Variants in MUTYH observed in about 807,000 individuals in gnomAD.
MUTYH encodes the protein adenine DNA glycosylase.
MUTYH carries 64 observed loss-of-function variants against 72.9 expected under a neutral mutation model. The ratio of observed to expected loss-of-function variants is 0.88; its 90% CI spans 0.72 to 1.08. The LOEUF (loss-of-function observed/expected upper bound fraction) is 1.08. Among genes scored for constraint, MUTYH ranks in the 50% least tolerant of loss-of-function variants. The probability of loss-of-function intolerance (pLI) is 0.00; values close to 1 mark genes in which losing one functional copy is unlikely to be tolerated. For missense variants in MUTYH, 633 were observed against 671.0 expected (o/e 0.94, Z 0.63); for synonymous variants, 234 against 263.1 (o/e 0.89, Z 1.07).
chr1:45,340,081 C>T, upstream of MUTYH: 2 of 1,545,730 alleles, frequency 1.3e-6, no homozygotes, highest in South Asian at 1.2e-5. Context: ...GCAATTAGCG[C>T]GCGCCAGGCT....
At chr1:45,331,090 A>C in intron 14 of MUTYH, 92 bp downstream of exon 14, 1 of 1,565,208 alleles carries the variant, frequency 6.4e-7, no homozygotes, top group Non-Finnish European at 8.8e-7. Flanking sequence ...GTCTCAAAAA[A>C]AAATGCTTTT....
upstream of MUTYH, chr1:45,340,388 C>T (rs1314872579): frequency 9.7e-6 from 15 of 1,549,336 alleles, no homozygotes; most frequent in South Asian, 1.7e-4. Flanking sequence ...CTAGAGGCTC[C>T]TCAAGCTTCA....
At position 45,331,734 on chromosome 1, in the gene MUTYH, G is replaced by C; in HGVS notation, c.1029C>G (p.Ser343Arg). Residue 343 changes from serine (S) to arginine (R), a missense_variant, in exon 12 of 16, where the codon AGC becomes AGG. Physicochemically the swap from Ser to Arg is moderately radical, Grantham distance 110. Coordinates refer to ENST00000456914, the MANE Select transcript of MUTYH (RefSeq NM_001048174.2). ...KASRKPPREE[S>R]SATCVLEQPG... is the part of the protein sequence containing the mutation. ...GCTGTTCCAGAACACAGGTGGCAGA[G>C]CTCTCCTCCCTGGGGGGCTTGCGGC... 1 of 1,614,178 alleles carries C rather than the reference G, an allele frequency of 6.2e-7. No individual in the cohort carries two copies. Among genetic ancestry groups the C allele is most frequent in the Non-Finnish European group, 8.5e-7 (1 of 1,180,034 alleles).
Position 45,329,322 on chromosome 1 carries a change from T to C in MUTYH, c.1550A>G (p.Asn517Ser). Reference protein sequence around the residue: ...SHISTDAHSLNSAAQ With the variant: ...SHISTDAHSLSSAAQ ...TCAGAGGTGTCACTGGGCTGCACTG[T>C]TGAGGCTGTGTGCATCAGTGGAGAT... is the stretch of plus-strand genomic sequence containing the variant. Residue 517 changes from asparagine to serine, a missense_variant, in exon 16 of 16, where the codon AAC (asparagine) becomes AGC (serine). Transcript: ENST00000456914. 2 of 1,614,224 alleles carry C rather than the reference T, an allele frequency of 1.2e-6. No individual in the cohort carries two copies. The highest frequency in any genetic ancestry group is 2.2e-5 in the East Asian group (1 of 44,888).
chr1:45,338,011 C>T (rs1050125232), intron 1 of MUTYH, among the ~76,000 whole-genome samples: 1 of 152,086 alleles, frequency 6.6e-6, no homozygotes, highest in Non-Finnish European at 1.5e-5. Context: ...AGACTGTGGT[C>T]AAGGTAGACC....
chr1:45,333,724 T>G, intron 2 of MUTYH, 163 bp from the exon 3 acceptor site: 1 of 1,069,606 alleles, frequency 9.3e-7, no homozygotes, highest in Non-Finnish European at 1.3e-6. Context: ...TAATTGTGTG[T>G]AGCTGTGGCT....
Position 45,338,378 on chromosome 1 carries a change from C to T in MUTYH, c.-7+1521G>A, listed in dbSNP as rs3219472. On this transcript the variant is annotated intron_variant, in intron 1 of 15. Coordinates refer to ENST00000456914, the MANE Select transcript of MUTYH (RefSeq NM_001048174.2). ...TGCCCACCTTGGGGCCTCACACAAT[C>T]CATTTCCTCTGTTTGGACTCTTTTA... The T allele has an allele frequency of 0.26, 120,198 of 461,784 alleles. 16,857 individuals are homozygous for T. Among genetic ancestry groups the T allele is most frequent in the Admixed American group, 0.43 (15,375 of 35,764 alleles). The allele number at this position is 461,784 out of a possible 1,614,324, so 28.6% of individuals were successfully genotyped here.
At chr1:45,333,197 C>A (rs765015265) in intron 4 of MUTYH, 27 bp from the exon 5 acceptor site, 1 of 1,614,196 alleles carries the variant, frequency 6.2e-7, no homozygotes, top group South Asian at 1.1e-5. Context: ...GGCATGAGGA[C>A]ACTGCTGACC....
rs587780084 is a variant in MUTYH, at chr1:45,331,442, G to A, written c.1217C>T (p.Thr406Met). 53 of 1,614,132 alleles carry A rather than the reference G, an allele frequency of 3.3e-5. No homozygotes were observed. Among genetic ancestry groups the A allele is most frequent in the Admixed American group, 1.5e-4 (9 of 60,016 alleles). Reference sequence around the variant, plus strand: ...TACCTCCCCAAGGTGCCGGAGGTGCGTGGCTGGGAGGGGCCCAGCCCAACG... The same window carrying A: ...TACCTCCCCAAGGTGCCGGAGGTGCATGGCTGGGAGGGGCCCAGCCCAACG... ...LQRWAGPLPA[T>M]HLRHLGEVVH... Residue 406 changes from threonine (T) to methionine (M), a missense_variant, in exon 13 of 16, where the codon ACG becomes ATG. Physicochemically the swap from Thr to Met is moderately conservative, Grantham distance 81. Coordinates refer to ENST00000456914, the MANE Select transcript of MUTYH (RefSeq NM_001048174.2).
intron 1 of MUTYH, chr1:45,338,499 G>A (rs1646300966): frequency 2.9e-6 from 1 of 342,136 alleles, no homozygotes; most frequent in Non-Finnish European, 5.7e-6. Flanking sequence ...CTGCCTTGTA[G>A]CTCTTACCTA....
chr1:45,339,389 C>T (rs1449217329), intron 1 of MUTYH, among the ~76,000 whole-genome samples: 1 of 151,270 alleles, frequency 6.6e-6, no homozygotes, highest in Non-Finnish European at 1.5e-5. Context: ...TTTTTTTGTA[C>T]TTTTAGTAGA....
intron 1 of MUTYH, among the ~76,000 whole-genome samples, chr1:45,337,147 C>CTTT (rs571256815): frequency 6.3e-5 from 9 of 142,542 alleles, no homozygotes; most frequent in African/African-American, 2.3e-4. Flanking sequence ...GTTTCCCATT[C>CTTT]TTTTTTTTTT....
intron 1 of MUTYH, among the ~76,000 whole-genome samples, chr1:45,335,365 T>C (rs758050580): frequency 3.3e-5 from 5 of 152,094 alleles, no homozygotes; most frequent in Non-Finnish European, 4.4e-5. Flanking sequence ...TGTGATAAAA[T>C]GCAGTCCCTG....
intron 2 of MUTYH, 133 bp downstream of exon 2, chr1:45,334,258 G>A: frequency 7.3e-7 from 1 of 1,377,878 alleles, no homozygotes; most frequent in African/African-American, 1.4e-5. Context: ...CAAAGTGCTG[G>A]GATTACAGGT....
rs1557474906 is a variant in MUTYH, at chr1:45,332,489, C to T, written c.607-1G>A. The stretch of plus-strand genomic sequence containing the variant: ...CGTTGCCATCCACCACACCGGTTGC[C>T]TGGCACAGAGGGGCCAAAGAGTTAG... On this transcript the variant is annotated splice_acceptor_variant, in intron 8 of 15. Coordinates refer to ENST00000456914, the MANE Select transcript of MUTYH (RefSeq NM_001048174.2). LOFTEE classifies it high-confidence loss of function. 6.2e-7 allele frequency: 1 copy of T among 1,614,104 alleles called. No individual in the cohort carries two copies. The highest frequency in any genetic ancestry group is 1.1e-5 in the South Asian group (1 of 91,084).
chr1:45,331,534 C>T lies in MUTYH; in HGVS notation c.1125G>A (p.Glu375=), dbSNP rs876660199. Residue 375 remains glutamate (E), a synonymous_variant, in exon 13 of 16, where the codon GAG becomes GAA. Coordinates refer to ENST00000456914, the MANE Select transcript of MUTYH (RefSeq NM_001048174.2). ...AGGGCTCCCAGGTCACGGACGGGAA[C>T]TCCCACAGTCCTGCCAGCAGACCTG... ...PNSGLLAGLW[E]FPSVTWEPSE... 3.1e-6 allele frequency: 5 copies of T among 1,613,952 alleles called. No individual in the cohort carries two copies. Among genetic ancestry groups the T allele is most frequent in the South Asian group, 1.1e-5 (1 of 91,094 alleles).
chr1:45,331,578 CAG>C (rs1418914989), intron 12 of MUTYH, 22 bp from the exon 13 acceptor site: 2 of 1,613,608 alleles, frequency 1.2e-6, no homozygotes, highest in Admixed American at 1.7e-5. Flanking sequence ...GGCAGCCAGG[CAG>C]GGGTCAGGCC....
chr1:45,332,416 T>TG lies in MUTYH; in HGVS notation c.678dup (p.Ser227GlnfsTer74). 1 of 1,614,178 alleles carries TG rather than the reference T, an allele frequency of 6.2e-7. No homozygotes were observed. ...CAGAGCTGCTGGGAAACAAGGGTGCTGCTGGGATCAGCACCAATGGCTCGG... is the reference window on the plus strand; with the variant it reads ...CAGAGCTGCTGGGAAACAAGGGTGCTGGCTGGGATCAGCACCAATGGCTCGG... On this transcript the variant is annotated frameshift_variant, in exon 9 of 16. Transcript: ENST00000456914. LOFTEE classifies it high-confidence loss of function.
Position 45,333,160 on chromosome 1 carries a change from T to C in MUTYH, c.315A>G (p.Ser105=), listed in dbSNP as rs773736192. The C allele has an allele frequency of 6.2e-7, 1 of 1,613,898 alleles. No individual in the cohort carries two copies. Among genetic ancestry groups the C allele is most frequent in the East Asian group, 2.2e-5 (1 of 44,856 alleles). The part of the protein sequence containing the change: ...LDRRAYAVWV[S]EVMLQQTQVA... The stretch of plus-strand genomic sequence containing the variant: ...CCTGGGTCTGCTGCAGCATGACCTC[T>C]GAGACCCACACTGGGGGAAAGGGGT... Residue 105 remains serine (S), a synonymous_variant, in exon 5 of 16, where the codon TCA becomes TCG. Coordinates refer to ENST00000456914, the MANE Select transcript of MUTYH (RefSeq NM_001048174.2).
Sources: gnomAD v4.1 joint callset for allele counts (sites outside exome capture counted in the v4.1 genomes callset) on GRCh38, gnomAD v4.1.1 for gene constraint, MANE v1.5 for transcripts, NCBI Gene and HGNC (gene_info 2026-07-23, HGNC 2026-07-21) for gene names.